DCHS2: variants seen among roughly 807,000 people sequenced by gnomAD.
DCHS2 encodes the protein dachsous cadherin-related 2.
Under a neutral mutation model 182.4 loss-of-function variants are expected in DCHS2, and 142 were observed. That is an observed-to-expected ratio of 0.78 (90% CI 0.68 to 0.89). The LOEUF (loss-of-function observed/expected upper bound fraction) is 0.89, where lower values mean the gene tolerates loss of function less well. DCHS2 is among the 40% of genes least tolerant of loss of function. DCHS2 has a pLI of 0.00. For synonymous variants in DCHS2, 1,740 were observed against 1,663.3 expected (o/e 1.05, Z -1.12); for missense variants, 4,319 against 4,198.6 (o/e 1.03, Z -0.79).
In DCHS2 at chr4:154,320,539, A is replaced by G; in HGVS notation, c.4860T>C (p.Phe1620=). The G allele has an allele frequency of 1.9e-6, 3 of 1,614,118 alleles. No individual in the cohort carries two copies. Among genetic ancestry groups the G allele is most frequent in the Non-Finnish European group, 2.5e-6 (3 of 1,180,008 alleles). ...TGACATGGGCATTGGGGAAAGAAATAAAAGTGGGGTTGTGGTCATTTACAT... is the reference window on the plus strand; with the variant it reads ...TGACATGGGCATTGGGGAAAGAAATGAAAGTGGGGTTGTGGTCATTTACAT... ...ILDVNDHNPT[F]ISFPNAHVKE... The change falls in exon 9 of 20, where the codon TTT becomes TTC. Residue 1620 remains phenylalanine (F), a synonymous_variant. Transcript: ENST00000357232.
chr4:154,406,707 T>C (rs576479931), intron 1 of DCHS2, among the ~76,000 whole-genome samples: 1 of 152,344 alleles, frequency 6.6e-6, no homozygotes, highest in South Asian at 2.1e-4. Context: ...TTACATGTTA[T>C]ATGTACTTGT....
Position 154,240,607 on chromosome 4 carries a change from T to A in DCHS2, c.7289A>T (p.Glu2430Val), listed in dbSNP as rs1344762652. ...IQISDSVHYT[E>V]GALVVRVLDV... ...CAGCACACGGACTACAAGTGCTCCC[T>A]CTGTGTAGTGCACTGAATCAGAAAT... is the stretch of plus-strand genomic sequence containing the variant. The change falls in exon 18 of 20, where the codon GAG becomes GTG. Residue 2430 changes from glutamate to valine, a missense_variant. Coordinates refer to ENST00000357232, the MANE Select transcript of DCHS2 (RefSeq NM_001358235.2). 2 of 1,613,952 alleles carry A rather than the reference T, an allele frequency of 1.2e-6. No homozygotes were observed. The highest frequency in any genetic ancestry group is 1.7e-6 in the Non-Finnish European group (2 of 1,179,914).
chr4:154,434,477 T>C (rs1733692270), intron 1 of DCHS2, among the ~76,000 whole-genome samples: 1 of 152,022 alleles, frequency 6.6e-6, no homozygotes, highest in South Asian at 2.1e-4. Context: ...AAATTATACA[T>C]ATTGAAGTAG....
intron 3 of DCHS2, among the ~76,000 whole-genome samples, chr4:154,364,278 AATACAGT>A (rs1323457407): frequency 2.0e-5 from 3 of 152,206 alleles, no homozygotes; most frequent in African/African-American, 7.2e-5. Flanking sequence ...CTAAAAACAG[AATACAGT>A]ATAACTCATT....
At chr4:154,360,436 GT>G (rs987906845) in intron 3 of DCHS2, among the ~76,000 whole-genome samples, 26 of 152,124 alleles carry the variant, frequency 1.7e-4, no homozygotes, top group Middle Eastern at 3.4e-3. Flanking sequence ...ACATGCTTTT[GT>G]TTCCTATGAA....
At chr4:154,381,955 G>GA (rs1285757359) in intron 1 of DCHS2, among the ~76,000 whole-genome samples, 1 of 152,000 alleles carries the variant, frequency 6.6e-6, no homozygotes, top group Admixed American at 6.6e-5. Flanking sequence ...ATACGGAACT[G>GA]AAAAAATGCC....
chr4:154,490,839 G>T lies in DCHS2; in HGVS notation c.517C>A (p.Gln173Lys). The T allele has an allele frequency of 6.4e-7, 1 of 1,551,600 alleles. No homozygotes were observed. Among genetic ancestry groups the T allele is most frequent in the South Asian group, 1.2e-5 (1 of 84,060 alleles). The change falls in exon 1 of 20, where the codon CAA becomes AAA. Residue 173 changes from glutamine to lysine, a missense_variant. Physicochemically the swap from Gln to Lys is moderately conservative, Grantham distance 53. Transcript: ENST00000357232. ...HSPRFPLDSLQLDVSELSPPG... is the reference protein window; with the variant it reads ...HSPRFPLDSLKLDVSELSPPG... ...GGGCTGAGCTCGGAGACGTCGAGTT[G>T]CAGGGAGTCGAGGGGAAAGCGGGGC...
At chr4:154,275,012 C>T (rs577352508) in intron 13 of DCHS2, among the ~76,000 whole-genome samples, 2 of 151,332 alleles carry the variant, frequency 1.3e-5, no homozygotes, top group African/African-American at 2.4e-5. Flanking sequence ...GAGGTAATAA[C>T]AAAAATGACC....
At chr4:154,429,687 TAA>T (rs1733478134) in intron 1 of DCHS2, among the ~76,000 whole-genome samples, 1 of 150,984 alleles carries the variant, frequency 6.6e-6, no homozygotes, top group South Asian at 2.1e-4. Flanking sequence ...ATCCTTCCCA[TAA>T]GTTTTTTTTT....
intron 1 of DCHS2, among the ~76,000 whole-genome samples, chr4:154,472,489 A>T (rs1457351265): frequency 1.3e-5 from 2 of 152,222 alleles, no homozygotes; most frequent in African/African-American, 4.8e-5. Context: ...TTTAAAGAAC[A>T]CTACCTTTTT....
In DCHS2 at chr4:154,302,951, ACACACACACACACACACC is replaced by A. The variant is rs1287484092; in HGVS notation, c.5605+1700_5605+1717del. On this transcript the variant is annotated intron_variant, in intron 12 of 19. Coordinates refer to ENST00000357232, the MANE Select transcript of DCHS2 (RefSeq NM_001358235.2). ...GATATACGTATACACACACACACAC[ACACACACACACACACACC>A]CACACACACACATATTTTTTTTTTT... Among the ~76,000 whole-genome samples the A allele has an allele frequency of 1.1e-3, 75 of 66,688 alleles. 3 individuals carry two copies. Among genetic ancestry groups the A allele is most frequent in the African/African-American group, 3.9e-3 (37 of 9,494 alleles). The allele number at this position is 66,688 out of a possible 152,430, so 43.7% of individuals were successfully genotyped here. A position where few individuals can be genotyped will look rare whatever the true frequency, so the allele number is the denominator to read the frequency against.
At chr4:154,270,096 A>G (rs1733514623) in intron 13 of DCHS2, 83 bp from the exon 14 acceptor site, 1 of 1,460,270 alleles carries the variant, frequency 6.8e-7, no homozygotes, top group East Asian at 2.4e-5. Context: ...ATTATTTATT[A>G]TTTGCCTACT....
At chr4:154,394,991 G>GA (rs1731869787) in intron 1 of DCHS2, among the ~76,000 whole-genome samples, 3 of 152,172 alleles carry the variant, frequency 2.0e-5, no homozygotes, top group African/African-American at 7.2e-5. Flanking sequence ...GGAGAAAGGT[G>GA]AAAAACAACA....
At chr4:154,331,862 T>G in intron 5 of DCHS2, 2 of 771,488 alleles carry the variant, frequency 2.6e-6, no homozygotes, top group Non-Finnish European at 3.7e-6. Flanking sequence ...CCCGTAAACT[T>G]ATACAACATA....
At chr4:154,320,026 A>T (rs755773358) in intron 9 of DCHS2, among the ~76,000 whole-genome samples, 8 of 152,174 alleles carry the variant, frequency 5.3e-5, no homozygotes, top group Non-Finnish European at 1.2e-4. Context: ...AAGACATTCT[A>T]CAAGATGTGA....
chr4:154,255,515 C>G lies in DCHS2; in HGVS notation c.6941+4G>C. ...GAGCCAATGGATCTGAACCCTGGACCAACCTGTAGGAGCTGGTGAGCTCGT... is the reference window on the plus strand; with the variant it reads ...GAGCCAATGGATCTGAACCCTGGACGAACCTGTAGGAGCTGGTGAGCTCGT... On this transcript the variant is annotated splice_donor_region_variant and intron_variant, in intron 16 of 19. Transcript: ENST00000357232. 1.2e-6 allele frequency: 2 copies of G among 1,612,700 alleles called. No homozygotes were observed. The highest frequency in any genetic ancestry group is 1.1e-5 in the South Asian group (1 of 90,688).
At chr4:154,245,400 C>T (rs762191105) in intron 16 of DCHS2, among the ~76,000 whole-genome samples, 29 of 152,128 alleles carry the variant, frequency 1.9e-4, no homozygotes, top group Non-Finnish European at 3.7e-4. Context: ...CAATGGGAAG[C>T]TTCTTTTACC....
chr4:154,390,862 T>C (rs1331256039), intron 1 of DCHS2, among the ~76,000 whole-genome samples: 1 of 152,246 alleles, frequency 6.6e-6, no homozygotes, highest in African/African-American at 2.4e-5. Context: ...AATATTTTCA[T>C]AGTATTCTTA....
chr4:154,454,133 G>A lies in DCHS2; in HGVS notation c.2052+35171C>T, dbSNP rs183934612. On this transcript the variant is annotated intron_variant, in intron 1 of 19. Transcript: ENST00000357232. ...AAATAGCATTTATACACACATGCGC[G>A]CGCACACACACACACACACACACCC... 2.6e-3 allele frequency among the ~76,000 whole-genome samples: 189 copies of A among 73,156 alleles called. 1 individual carries two copies. Among genetic ancestry groups the A allele is most frequent in the African/African-American group, 6.7e-3 (170 of 25,460 alleles). 48.0% of individuals were successfully genotyped at this position (73,156 alleles called of 152,430 possible). A position where few individuals can be genotyped will look rare whatever the true frequency, so the allele number is the denominator to read the frequency against.
Sources: allele counts gnomAD v4.1 joint callset (sites outside exome capture counted in the v4.1 genomes callset), GRCh38; gene constraint gnomAD v4.1.1; transcripts MANE v1.5; gene names NCBI Gene and HGNC (gene_info 2026-07-23, HGNC 2026-07-21).